The following GUCY2C variants were observed in gnomAD, a reference collection of about 807,000 sequenced individuals.
GUCY2C encodes the protein guanylyl cyclase C.
Under a neutral mutation model 131.1 loss-of-function variants are expected in GUCY2C, and 118 were observed. That is an observed-to-expected ratio of 0.90 (90% CI 0.78 to 1.05). GUCY2C has a LOEUF of 1.05. Ranked by LOEUF, GUCY2C falls within the 50% of genes least tolerant of loss-of-function variation. The pLI is 0.00. For missense variants in GUCY2C, 1,161 were observed against 1,304.4 expected (o/e 0.89, Z 1.69); for synonymous variants, 452 against 457.8 (o/e 0.99, Z 0.16).
chr12:14,669,062 A>G (rs769383051), intron 10 of GUCY2C, among the ~76,000 whole-genome samples: 16 of 152,156 alleles, frequency 1.1e-4, no homozygotes, highest in Non-Finnish European at 2.2e-4. Context: ...AAATGGAGTA[A>G]GAATATATGT....
chr12:14,637,050 T>C (rs1250993169), intron 19 of GUCY2C, among the ~76,000 whole-genome samples: 1 of 151,398 alleles, frequency 6.6e-6, no homozygotes. Flanking sequence ...CCGAGATCAC[T>C]CCACTGCACT....
chr12:14,615,074 C>A (rs970333977), intron 25 of GUCY2C, 131 bp from the exon 26 acceptor site: 2 of 533,848 alleles, frequency 3.7e-6, no homozygotes, highest in Non-Finnish European at 6.6e-6. Context: ...AATATTTAAG[C>A]ACATCACACA....
At chr12:14,637,024 C>T (rs2098413) in intron 19 of GUCY2C, among the ~76,000 whole-genome samples, 147,830 of 151,564 alleles carry the variant, frequency 0.98, 72,167 homozygotes, top group Middle Eastern at 1. Context: ...ACCTGGGAGG[C>T]GGAGGTTGCA....
At chr12:14,674,035 C>T (rs1370393443) in intron 8 of GUCY2C, among the ~76,000 whole-genome samples, 1 of 152,188 alleles carries the variant, frequency 6.6e-6, no homozygotes, top group African/African-American at 2.4e-5. Flanking sequence ...GAAAAGGCCA[C>T]TGTCATTTAT....
In GUCY2C at chr12:14,616,343, AC is replaced by A. The variant is rs559887707; in HGVS notation, c.2970+289del. 4.2e-4 allele frequency among the ~76,000 whole-genome samples: 64 copies of A among 152,268 alleles called. 1 individual carries two copies. The highest frequency in any genetic ancestry group is 1.4e-3 in the African/African-American group (60 of 41,556). The stretch of plus-strand genomic sequence containing the variant: ...TTGATTCAAATTAAATAAGTCCTGG[AC>A]CAGACTGTATGTAGCTCTTGTGTTT... On this transcript the variant is annotated intron_variant, in intron 25 of 26. Transcript: ENST00000261170.
intron 25 of GUCY2C, among the ~76,000 whole-genome samples, 187 bp downstream of exon 25, chr12:14,616,446 T>C (rs921175037): frequency 6.6e-6 from 1 of 152,128 alleles, no homozygotes; most frequent in African/African-American, 2.4e-5. Context: ...AAGGGCTCTT[T>C]GGAGTAAAGG....
intron 1 of GUCY2C, among the ~76,000 whole-genome samples, chr12:14,693,987 A>G (rs1948617828): frequency 6.6e-6 from 1 of 152,242 alleles, no homozygotes; most frequent in African/African-American, 2.4e-5. Flanking sequence ...ATTAATGTCA[A>G]TAACAACAAC....
chr12:14,643,488 T>C (rs1947450504), intron 17 of GUCY2C, 86 bp downstream of exon 17: 3 of 1,189,748 alleles, frequency 2.5e-6, no homozygotes, highest in Non-Finnish European at 3.7e-6. Flanking sequence ...TATCTTCTGA[T>C]CAGTATTACA....
At chr12:14,682,292 G>T (rs988570712) in intron 4 of GUCY2C, among the ~76,000 whole-genome samples, 1 of 152,118 alleles carries the variant, frequency 6.6e-6, no homozygotes, top group African/African-American at 2.4e-5. Context: ...GAACCATGGG[G>T]GTGGTTTCCC....
chr12:14,625,848 G>A lies in GUCY2C; in HGVS notation c.2317C>T (p.Arg773Ter), dbSNP rs1162405939. ...TCCTCTACCAGATGTTCCAGGTTTC[G>A]AGAATATAGCTGTAGACGTCGGATC... Reference protein sequence around the residue: ...TLIRRLQLYSRNLEHLVEERT... With the variant: ...TLIRRLQLYS Residue 773 changes from arginine to a stop codon, truncating the protein, a stop_gained, in exon 21 of 27, where the codon CGA becomes TGA. Transcript: ENST00000261170. LOFTEE classifies it high-confidence loss of function. 10 of 1,613,422 alleles carry A rather than the reference G, an allele frequency of 6.2e-6. No individual in the cohort carries two copies. The highest frequency in any genetic ancestry group is 4.0e-5 in the African/African-American group (3 of 74,854).
At chr12:14,678,315 C>T (rs912438560) in intron 6 of GUCY2C, among the ~76,000 whole-genome samples, 8 of 152,230 alleles carry the variant, frequency 5.3e-5, no homozygotes, top group African/African-American at 1.9e-4. Flanking sequence ...AATGTGAACA[C>T]ATTATGTCTA....
Position 14,674,718 on chromosome 12 carries a change from G to T in GUCY2C, c.991C>A (p.Leu331Ile). ...AATATCTTCAGCATATGTCCAAAGA[G>T]CAGGATTCCATTCAAATAGGCAAGA... ...FALAYLNGIL[L>I]FGHMLKIFLE... The change falls in exon 8 of 27, where the codon CTC becomes ATC. Residue 331 changes from leucine to isoleucine, a missense_variant. Physicochemically the swap from Leu to Ile is conservative, Grantham distance 5. Coordinates refer to ENST00000261170, the MANE Select transcript of GUCY2C (RefSeq NM_004963.4). The T allele has an allele frequency of 3.1e-6, 5 of 1,611,306 alleles. No homozygotes were observed. Among genetic ancestry groups the T allele is most frequent in the Non-Finnish European group, 4.2e-6 (5 of 1,177,774 alleles).
At chr12:14,684,621 CTT>C (rs1565635579) in intron 3 of GUCY2C, among the ~76,000 whole-genome samples, 1 of 24,214 alleles carries the variant, frequency 4.1e-5, no homozygotes, top group Non-Finnish European at 1.1e-4. Flanking sequence ...TCCTTCCTTC[CTT>C]CCTTCCTTTC....
At chr12:14,622,305 G>A in intron 21 of GUCY2C, 108 bp from the exon 22 acceptor site, 2 of 651,430 alleles carry the variant, frequency 3.1e-6, no homozygotes, top group Non-Finnish European at 5.0e-6. Flanking sequence ...TCTAGAATTT[G>A]AGACTTCCAG....
At chr12:14,674,171 T>C in intron 8 of GUCY2C, 1 of 205,718 alleles carries the variant, frequency 4.9e-6, no homozygotes. Flanking sequence ...TCCATGCAGC[T>C]CAGGAGGTTT....
At chr12:14,662,322 T>TA (rs1370773431) in intron 10 of GUCY2C, among the ~76,000 whole-genome samples, 20 of 151,892 alleles carry the variant, frequency 1.3e-4, no homozygotes, top group Admixed American at 1.3e-3. Context: ...AATTAGGTAT[T>TA]AAAAAAGGAG....
chr12:14,672,953 C>T lies in GUCY2C; in HGVS notation c.1090G>A (p.Asp364Asn), dbSNP rs762254572. The T allele has an allele frequency of 1.9e-6, 3 of 1,592,366 alleles. No homozygotes were observed. Among genetic ancestry groups the T allele is most frequent in the South Asian group, 2.2e-5 (2 of 90,588 alleles). ...AFRNLTFEGY[D>N]GPVTLDDWGD... ...CAGTCATCCAAGGTCACTGGACCGT[C>T]ATACCCTAGGGCAAGATCAGAGTAT... Residue 364 changes from aspartate (D) to asparagine (N), a missense_variant, in exon 9 of 27, where the codon GAC becomes AAC. Asp to Asn is a conservative substitution (Grantham distance 23). Transcript: ENST00000261170.
intron 15 of GUCY2C, among the ~76,000 whole-genome samples, chr12:14,648,996 A>G (rs1947583782): frequency 6.6e-6 from 1 of 152,228 alleles, no homozygotes; most frequent in Admixed American, 6.5e-5. Context: ...CTTCTCTGAC[A>G]TATCACCCTT....
intron 22 of GUCY2C, 72 bp from the exon 23 acceptor site, chr12:14,621,288 C>T (rs1946891440): frequency 7.6e-7 from 1 of 1,314,050 alleles, no homozygotes; most frequent in Non-Finnish European, 1.1e-6. Flanking sequence ...AGCAGTTAAT[C>T]ACATGTCAAA....
Sources: gnomAD v4.1 joint callset for allele counts (sites outside exome capture counted in the v4.1 genomes callset) on GRCh38, gnomAD v4.1.1 for gene constraint, MANE v1.5 for transcripts, NCBI Gene and HGNC (gene_info 2026-07-23, HGNC 2026-07-21) for gene names.